The following LRRC7 variants were observed in gnomAD, a reference collection of about 807,000 sequenced individuals.
The protein encoded by LRRC7 is leucine-rich repeat-containing protein 7.
In LRRC7, 23 loss-of-function variants were observed where a neutral mutation model predicts 175.7. The observed-to-expected ratio is 0.13, with a 90% CI of 0.09 to 0.19. The LOEUF is 0.19. Among genes scored for constraint, LRRC7 ranks in the 10% least tolerant of loss-of-function variants. LRRC7 has a pLI of 1.00. For synonymous variants in LRRC7, 685 were observed against 680.9 expected (o/e 1.01, Z -0.09); for missense variants, 1,354 against 1,904.7 (o/e 0.71, Z 5.38).
intron 4 of LRRC7, among the ~76,000 whole-genome samples, chr1:69,819,571 C>G (rs1245381754): frequency 7.7e-6 from 1 of 130,558 alleles, no homozygotes; most frequent in Non-Finnish European, 1.6e-5. Flanking sequence ...CTCTCTCTCT[C>G]TCTCTCTGTG....
rs77553066 is a variant in LRRC7 at position 69,710,278 on chromosome 1, C to CAAAA, written c.100+31817_100+31820dup. On this transcript the variant is annotated intron_variant, in intron 2 of 26. Transcript: ENST00000651989. Reference sequence around the variant, plus strand: ...TGGGCGACATAGCAAGACTCCGTCTCAAAAAAAAAAAAAAAAAAAAGAAAG... The same window carrying CAAAA: ...TGGGCGACATAGCAAGACTCCGTCTCAAAAAAAAAAAAAAAAAAAAAAAAGAAAG... Among the ~76,000 whole-genome samples the CAAAA allele has an allele frequency of 3.9e-3, 340 of 86,888 alleles. 2 individuals are homozygous for CAAAA. The highest frequency in any genetic ancestry group is 6.3e-3 in the Non-Finnish European group (292 of 46,212). 57.0% of individuals were successfully genotyped at this position (86,888 alleles called of 152,430 possible).
At chr1:69,777,939 T>TTC (rs1203465012) in intron 3 of LRRC7, among the ~76,000 whole-genome samples, 5 of 152,200 alleles carry the variant, frequency 3.3e-5, no homozygotes, top group African/African-American at 1.2e-4. Flanking sequence ...TACCTGTCTC[T>TTC]TCTCTAACTT....
At chr1:69,919,563 C>T in intron 7 of LRRC7, 3 of 794,632 alleles carry the variant, frequency 3.8e-6, no homozygotes, top group Non-Finnish European at 6.5e-6. Context: ...AGGCGGCCCT[C>T]GACCTGGCGG....
At chr1:69,996,084 A>G (rs1013804216) in intron 11 of LRRC7, among the ~76,000 whole-genome samples, 2 of 151,112 alleles carry the variant, frequency 1.3e-5, no homozygotes, top group East Asian at 1.9e-4. Flanking sequence ...TGACTTTTGA[A>G]TGATTGCCAT....
chr1:70,016,681 T>G, intron 14 of LRRC7, 147 bp downstream of exon 14: 1 of 601,266 alleles, frequency 1.7e-6, no homozygotes, highest in Non-Finnish European at 2.6e-6. Flanking sequence ...TTTGTAAAGA[T>G]AGCAATTCAA....
intron 3 of LRRC7, among the ~76,000 whole-genome samples, chr1:69,762,389 G>T (rs12072842): frequency 0.028 from 4,291 of 152,098 alleles, 182 homozygotes; most frequent in African/African-American, 0.096. Context: ...AGAGGCAAGT[G>T]CTCGGTGATG....
intron 2 of LRRC7, among the ~76,000 whole-genome samples, chr1:69,717,233 A>T (rs1355146217): frequency 1.3e-5 from 2 of 151,744 alleles, no homozygotes; most frequent in Non-Finnish European, 3.0e-5. Context: ...TATATTTAAA[A>T]TTTTATAGTA....
intron 7 of LRRC7, among the ~76,000 whole-genome samples, chr1:69,921,351 A>G (rs1181709813): frequency 6.6e-6 from 1 of 152,064 alleles, no homozygotes; most frequent in East Asian, 1.9e-4. Context: ...ACACAAACAC[A>G]CACACACACT....
Position 69,568,378 on chromosome 1 carries a change from C to A in LRRC7, c.-262C>A. The A allele has an allele frequency of 5.0e-6, 1 of 199,988 alleles. No individual in the cohort carries two copies. The highest frequency in any genetic ancestry group is 6.4e-5 in the Admixed American group (1 of 15,562). The allele number at this position is 199,988 out of a possible 1,614,324, so 12.4% of individuals were successfully genotyped here. On this transcript the variant is annotated 5_prime_UTR_variant, in exon 1 of 27. Coordinates refer to ENST00000651989, the MANE Select transcript of LRRC7 (RefSeq NM_001370785.2). ...CGCGCTCCTGCCTCCCCCGCCGGCG[C>A]TTCGGGCTTCCCCTCAGCCGCTTCC...
At chr1:69,677,800 C>T (rs1659982464) in intron 1 of LRRC7, among the ~76,000 whole-genome samples, 1 of 151,996 alleles carries the variant, frequency 6.6e-6, no homozygotes, top group Non-Finnish European at 1.5e-5. Context: ...GACTCGGTGG[C>T]TTAAACAACA....
chr1:69,910,308 T>C (rs1057502545), intron 7 of LRRC7, among the ~76,000 whole-genome samples: 14 of 152,230 alleles, frequency 9.2e-5, no homozygotes, highest in African/African-American at 3.4e-4. Flanking sequence ...TTTCCCCATC[T>C]TTGTGGCTTT....
At chr1:69,968,733 G>A (rs1303147156) in intron 8 of LRRC7, among the ~76,000 whole-genome samples, 1 of 152,086 alleles carries the variant, frequency 6.6e-6, no homozygotes, top group African/African-American at 2.4e-5. Context: ...CAAATGCTGA[G>A]AGAATTCACC....
At chr1:69,589,529 T>A (rs1646546734) in intron 1 of LRRC7, among the ~76,000 whole-genome samples, 1 of 152,152 alleles carries the variant, frequency 6.6e-6, no homozygotes, top group Admixed American at 6.6e-5. Context: ...GACACTTTGT[T>A]GCTCAGACCA....
intron 7 of LRRC7, among the ~76,000 whole-genome samples, chr1:69,847,686 A>G (rs1041781172): frequency 1.3e-5 from 2 of 152,060 alleles, no homozygotes; most frequent in Non-Finnish European, 2.9e-5. Flanking sequence ...CCATCAACTT[A>G]TGTCACATCT....
At chr1:69,681,470 C>T (rs912130619) in intron 2 of LRRC7, among the ~76,000 whole-genome samples, 2 of 152,044 alleles carry the variant, frequency 1.3e-5, no homozygotes, top group Non-Finnish European at 2.9e-5. Flanking sequence ...TACCACTTTA[C>T]AATATTTGCA....
At chr1:69,672,438 T>C (rs1334592802) in intron 1 of LRRC7, among the ~76,000 whole-genome samples, 1 of 152,180 alleles carries the variant, frequency 6.6e-6, no homozygotes, top group Non-Finnish European at 1.5e-5. Flanking sequence ...GTCAGACAGA[T>C]CTGGATTTAA....
chr1:69,894,893 CAACA>C (rs1442359372), intron 7 of LRRC7, among the ~76,000 whole-genome samples: 1 of 152,242 alleles, frequency 6.6e-6, no homozygotes, highest in East Asian at 1.9e-4. Flanking sequence ...ATCTTCTGTA[CAACA>C]AACAGTGGCC....
At chr1:69,782,547 A>G (rs966823311) in intron 3 of LRRC7, among the ~76,000 whole-genome samples, 4 of 152,152 alleles carry the variant, frequency 2.6e-5, no homozygotes, top group Non-Finnish European at 5.9e-5. Flanking sequence ...GCAGAAACAC[A>G]GCTGCTGAGT....
intron 2 of LRRC7, among the ~76,000 whole-genome samples, chr1:69,685,267 G>C (rs1044754149): frequency 6.6e-6 from 1 of 152,028 alleles, no homozygotes; most frequent in African/African-American, 2.4e-5. Context: ...TAAAATAAAA[G>C]GTTTCAATAG....
Sources: gnomAD v4.1 joint callset for allele counts (sites outside exome capture counted in the v4.1 genomes callset) on GRCh38, gnomAD v4.1.1 for gene constraint, MANE v1.5 for transcripts, NCBI Gene and HGNC (gene_info 2026-07-23, HGNC 2026-07-21) for gene names.